The following GRM7 variants were observed in gnomAD, a reference collection of about 807,000 sequenced individuals.
The protein encoded by GRM7 is glutamate metabotropic receptor 7.
Under a neutral mutation model 84.5 loss-of-function variants are expected in GRM7, and 35 were observed. The ratio of observed to expected loss-of-function variants is 0.41; its 90% CI spans 0.32 to 0.55. The LOEUF is 0.55. Among genes scored for constraint, GRM7 ranks in the 20% least tolerant of loss-of-function variants. The pLI is 0.19. For missense variants in GRM7, 1,003 were observed against 1,194.6 expected (o/e 0.84, Z 2.36); for synonymous variants, 487 against 455.1 (o/e 1.07, Z -0.89).
intron 4 of GRM7, among the ~76,000 whole-genome samples, chr3:7,400,531 T>G (rs1392032182): frequency 6.6e-6 from 1 of 152,168 alleles, no homozygotes; most frequent in African/African-American, 2.4e-5. Context: ...ATTCATCACC[T>G]GGAAACACAA....
chr3:6,919,483 C>A (rs1575014206), intron 1 of GRM7, among the ~76,000 whole-genome samples: 1 of 150,906 alleles, frequency 6.6e-6, no homozygotes, highest in African/African-American at 2.4e-5. Context: ...GCTGGGATTA[C>A]AGGAGTGAGC....
chr3:6,915,220 TTTCA>T (rs1206415400), intron 1 of GRM7, among the ~76,000 whole-genome samples: 1 of 152,204 alleles, frequency 6.6e-6, no homozygotes, highest in Non-Finnish European at 1.5e-5. Flanking sequence ...TACAAATACT[TTTCA>T]GAGTGCAATT....
chr3:7,354,474 G>A (rs1693299391), intron 4 of GRM7, among the ~76,000 whole-genome samples: 2 of 152,152 alleles, frequency 1.3e-5, no homozygotes, highest in Admixed American at 1.3e-4. Context: ...TCACCTAACA[G>A]TGAGGGATGT....
At chr3:7,178,929 A>G (rs921618948) in intron 2 of GRM7, among the ~76,000 whole-genome samples, 1 of 80,784 alleles carries the variant, frequency 1.2e-5, no homozygotes, top group African/African-American at 7.2e-5. Context: ...AAAAATACAA[A>G]AATACAAAAA....
intron 9 of GRM7, among the ~76,000 whole-genome samples, chr3:7,721,248 CCA>C (rs1701936505): frequency 6.6e-6 from 1 of 152,130 alleles, no homozygotes; most frequent in Non-Finnish European, 1.5e-5. Context: ...AAGATTCATC[CCA>C]CACAGTTTTC....
At chr3:7,449,468 T>C (rs1697673620) in intron 5 of GRM7, among the ~76,000 whole-genome samples, 1 of 152,146 alleles carries the variant, frequency 6.6e-6, no homozygotes, top group Admixed American at 6.6e-5. Context: ...CTGAAGATAA[T>C]GGTTAATAAA....
chr3:7,240,443 T>A (rs949790789), intron 2 of GRM7, among the ~76,000 whole-genome samples: 1 of 151,990 alleles, frequency 6.6e-6, no homozygotes, highest in African/African-American at 2.4e-5. Context: ...TTGTGACCTC[T>A]AAAATAGTTT....
intron 4 of GRM7, among the ~76,000 whole-genome samples, chr3:7,325,031 A>AT (rs1700932021): frequency 6.6e-6 from 1 of 152,044 alleles, no homozygotes; most frequent in South Asian, 2.1e-4. Flanking sequence ...AACCCAGTGG[A>AT]TTTTTTCAGT....
At chr3:7,088,928 C>T (rs564064403) in intron 1 of GRM7, among the ~76,000 whole-genome samples, 5 of 151,924 alleles carry the variant, frequency 3.3e-5, no homozygotes, top group South Asian at 2.1e-4. Flanking sequence ...TACAGCTGTC[C>T]TCTTAAAAAC....
At chr3:7,304,409 A>C (rs1047207716) in intron 3 of GRM7, among the ~76,000 whole-genome samples, 8 of 138,252 alleles carry the variant, frequency 5.8e-5, no homozygotes, top group Admixed American at 1.6e-4. Flanking sequence ...GAACATTCTC[A>C]TTATTTACAG....
chr3:7,614,441 T>C (rs966918985), intron 8 of GRM7, among the ~76,000 whole-genome samples: 8 of 152,134 alleles, frequency 5.3e-5, no homozygotes, highest in African/African-American at 1.9e-4. Flanking sequence ...CTTGGCCCAT[T>C]CCTCAAATGG....
At chr3:7,336,046 A>G (rs569917026) in intron 4 of GRM7, among the ~76,000 whole-genome samples, 62 of 152,128 alleles carry the variant, frequency 4.1e-4, no homozygotes, top group African/African-American at 1.4e-3. Context: ...AAATCATTCT[A>G]TGAAACCAGT....
chr3:6,861,470 C>A lies in GRM7; in HGVS notation c.82C>A (p.Leu28Met). The change falls in exon 1 of 10, where the codon CTG (leucine) becomes ATG (methionine). Residue 28 changes from leucine (L) to methionine (M), a missense_variant. By Grantham distance (15) the Leu-to-Met change is conservative. Around this residue, in one of 2 missense-constraint regions of GRM7, gnomAD observed 93 missense variants for 68.6 expected, o/e 1.36. Coordinates refer to ENST00000357716, the MANE Select transcript of GRM7 (RefSeq NM_000844.4). The surrounding 1 kb of genome is among the most constrained non-coding windows in gnomAD (Gnocchi z 6.4). ...CGTGCTGGAGGTGCTCCTGTGCGCG[C>A]TGGCGGCGGCGGCGCGCGGCCAGGA... The part of the protein sequence containing the change: ...CCVLEVLLCA[L>M]AAAARGQEMY... 1 of 1,458,360 alleles carries A rather than the reference C, an allele frequency of 6.9e-7. No homozygotes were observed. Among genetic ancestry groups the A allele is most frequent in the Non-Finnish European group, 9.2e-7 (1 of 1,087,636 alleles). The allele number at this position is 1,458,360 out of a possible 1,614,324, so 90.3% of individuals were successfully genotyped here.
At chr3:7,528,689 A>G (rs550217207) in intron 7 of GRM7, among the ~76,000 whole-genome samples, 2 of 152,164 alleles carry the variant, frequency 1.3e-5, no homozygotes, top group African/African-American at 4.8e-5. Context: ...CTTTTGCTAC[A>G]TATCAGACAT....
At chr3:6,948,683 G>T (rs147286076) in intron 1 of GRM7, among the ~76,000 whole-genome samples, 1 of 152,012 alleles carries the variant, frequency 6.6e-6, no homozygotes, top group Non-Finnish European at 1.5e-5. Context: ...TTATTGTGTG[G>T]GTGTCTAAGT....
intron 1 of GRM7, among the ~76,000 whole-genome samples, chr3:7,044,752 C>T (rs529503784): frequency 5.3e-5 from 8 of 152,194 alleles, no homozygotes; most frequent in African/African-American, 1.4e-4. Flanking sequence ...TTAAGTTGCA[C>T]TGACTGAGGC....
At chr3:7,056,203 C>T (rs1035099126) in intron 1 of GRM7, among the ~76,000 whole-genome samples, 18 of 151,978 alleles carry the variant, frequency 1.2e-4, no homozygotes, top group African/African-American at 4.3e-4. Context: ...CTTTCTTTTC[C>T]CCAACGCAGG....
intron 8 of GRM7, among the ~76,000 whole-genome samples, chr3:7,669,868 T>C (rs1372387768): frequency 1.4e-5 from 2 of 147,014 alleles, no homozygotes; most frequent in African/African-American, 5.5e-5. Context: ...CTCTCACTGT[T>C]CCATTTAGAG....
chr3:7,509,339 A>C (rs928462531), intron 7 of GRM7, among the ~76,000 whole-genome samples: 1 of 152,184 alleles, frequency 6.6e-6, no homozygotes, highest in African/African-American at 2.4e-5. Context: ...ATTAAACTTC[A>C]TCTTAGGTAT....
Sources: allele counts gnomAD v4.1 joint callset (sites outside exome capture counted in the v4.1 genomes callset), GRCh38; gene constraint gnomAD v4.1.1; regional missense constraint gnomAD v4.1.1; non-coding constraint Gnocchi (gnomAD v3.1); transcripts MANE v1.5; gene names NCBI Gene and HGNC (gene_info 2026-07-23, HGNC 2026-07-21).